The following SDK1 variants were observed in gnomAD, a reference collection of about 807,000 sequenced individuals.
The protein encoded by SDK1 is sidekick cell adhesion molecule 1.
A neutral mutation model predicts 245.5 loss-of-function variants in SDK1; 157 were observed. That is an observed-to-expected ratio of 0.64 (90% CI 0.56 to 0.73). The LOEUF (loss-of-function observed/expected upper bound fraction) is 0.73, where lower values mean the gene tolerates loss of function less well. Ranked by LOEUF, SDK1 falls within the 30% of genes least tolerant of loss-of-function variation. The probability of loss-of-function intolerance (pLI) is 0.00; values close to 1 mark genes in which losing one functional copy is unlikely to be tolerated. For missense variants in SDK1, 3,583 were observed against 3,002.3 expected, an observed-to-expected ratio of 1.19 and a Z score of -4.52; for synonymous variants, 1,647 against 1,278.5, an observed-to-expected ratio of 1.29 and a Z score of -6.15.
At chr7:4,133,884 A>G (rs977354002) in intron 28 of SDK1, among the ~76,000 whole-genome samples, 3 of 152,184 alleles carry the variant, frequency 2.0e-5, no homozygotes, top group African/African-American at 4.8e-5. Flanking sequence ...ATAAACCCAG[A>G]CTTACAAACA....
intron 28 of SDK1, among the ~76,000 whole-genome samples, chr7:4,133,715 G>A (rs968620071): frequency 6.6e-6 from 1 of 152,202 alleles, no homozygotes; most frequent in Non-Finnish European, 1.5e-5. Context: ...GTGTCCTGGA[G>A]AATGTGGCCC....
chr7:4,078,712 AC>A (rs746401231), intron 21 of SDK1, among the ~76,000 whole-genome samples: 6 of 152,132 alleles, frequency 3.9e-5, no homozygotes, highest in Non-Finnish European at 7.4e-5. Flanking sequence ...TCATAATGCT[AC>A]AATTCCGGGT....
intron 18 of SDK1, among the ~76,000 whole-genome samples, chr7:4,050,234 G>C (rs1789349037): frequency 1.3e-5 from 2 of 152,192 alleles, no homozygotes; most frequent in Non-Finnish European, 2.9e-5. Flanking sequence ...AGTTTCCTCA[G>C]ACACAAGGTT....
At position 3,611,481 on chromosome 7, in the gene SDK1, T is replaced by C. The variant is rs75411351; in HGVS notation, c.299-7599T>C. Among the ~76,000 whole-genome samples, 261 of 152,298 alleles carry C rather than the reference T, an allele frequency of 1.7e-3. 1 individual carries two copies. The highest frequency in any genetic ancestry group is 6.0e-3 in the African/African-American group (248 of 41,570). On this transcript the variant is annotated intron_variant, in intron 1 of 44. Transcript: ENST00000404826. The stretch of plus-strand genomic sequence containing the variant: ...CCTGTCCTCACTGCCTTTTCTCAGC[T>C]TAGCAGATAGAGGACTTTGTCCTAA...
chr7:4,218,426 T>G (rs574418498), intron 38 of SDK1, among the ~76,000 whole-genome samples: 197 of 152,108 alleles, frequency 1.3e-3, no homozygotes, highest in African/African-American at 4.6e-3. Context: ...CTGAAATAAT[T>G]CGGAAGAAAA....
At chr7:4,040,801 A>G (rs1788573152) in intron 17 of SDK1, among the ~76,000 whole-genome samples, 1 of 152,130 alleles carries the variant, frequency 6.6e-6, no homozygotes, top group Admixed American at 6.5e-5. Context: ...TGTTGCCTGC[A>G]TTTTTACTGT....
intron 16 of SDK1, among the ~76,000 whole-genome samples, chr7:4,016,100 C>G (rs1356473395): frequency 6.6e-6 from 1 of 152,264 alleles, no homozygotes. Flanking sequence ...GTCTCAGCTC[C>G]TTCCCCTTCG....
chr7:3,818,643 C>A (rs1275285019), intron 4 of SDK1, among the ~76,000 whole-genome samples: 1 of 152,136 alleles, frequency 6.6e-6, no homozygotes, highest in South Asian at 2.1e-4. Context: ...GTGACAGCAG[C>A]CCTAACTTAT....
intron 1 of SDK1, among the ~76,000 whole-genome samples, chr7:3,461,168 G>T (rs1047801347): frequency 2.0e-5 from 3 of 152,114 alleles, no homozygotes; most frequent in African/African-American, 7.2e-5. Context: ...TTAGAAGTGT[G>T]CAGACCCTAG....
At chr7:3,363,225 T>C (rs1781000265) in intron 1 of SDK1, among the ~76,000 whole-genome samples, 2 of 152,224 alleles carry the variant, frequency 1.3e-5, no homozygotes, top group Admixed American at 1.3e-4. Context: ...AATAGAATTA[T>C]ACTTTGGATA....
intron 4 of SDK1, among the ~76,000 whole-genome samples, chr7:3,817,153 C>A (rs1423406030): frequency 2.0e-5 from 3 of 152,104 alleles, no homozygotes; most frequent in African/African-American, 7.2e-5. Flanking sequence ...TTTATATTTT[C>A]ATGGAAGCCA....
chr7:3,787,778 A>G (rs1229390939), intron 4 of SDK1, among the ~76,000 whole-genome samples: 5 of 151,968 alleles, frequency 3.3e-5, no homozygotes, highest in African/African-American at 9.7e-5. Flanking sequence ...TAGCAAGTCA[A>G]CTCTCTCTGC....
Position 3,432,097 on chromosome 7 carries a change from C to T in SDK1, c.298+130213C>T. 1.4e-5 allele frequency among the ~76,000 whole-genome samples: 2 copies of T among 144,146 alleles called. 1 individual carries two copies. Among genetic ancestry groups the T allele is most frequent in the Non-Finnish European group, 3.0e-5 (2 of 66,456 alleles). The allele number at this position is 144,146 out of a possible 152,430, so 94.6% of individuals were successfully genotyped here. ...TGTGTGAAATACTTTGTAAACAGAG[C>T]TTTGCAGGCTGCAGTAAAAAAAAAA... is the stretch of plus-strand genomic sequence containing the variant. On this transcript the variant is annotated intron_variant, in intron 1 of 44. Coordinates refer to ENST00000404826, the MANE Select transcript of SDK1 (RefSeq NM_152744.4).
chr7:4,113,028 G>A (rs903921305), intron 23 of SDK1, among the ~76,000 whole-genome samples: 9 of 152,056 alleles, frequency 5.9e-5, no homozygotes, highest in Admixed American at 5.9e-4. Context: ...CTCCCTAAGT[G>A]CTGGGATTTG....
rs531472757 is a variant in SDK1 at position 3,638,583 on chromosome 7, G to A, written c.459-421G>A. ...CTCACTCATAGGTGGGAATTGAACA[G>A]TGAGAAAACATGGACACAGGAAGGG... On this transcript the variant is annotated intron_variant, in intron 2 of 44. Coordinates refer to ENST00000404826, the MANE Select transcript of SDK1 (RefSeq NM_152744.4). Among the ~76,000 whole-genome samples, 552 of 142,766 alleles carry A rather than the reference G, an allele frequency of 3.9e-3. 6 individuals are homozygous for A. Among genetic ancestry groups the A allele is most frequent in the African/African-American group, 0.013 (503 of 38,600 alleles). 93.7% of individuals were successfully genotyped at this position (142,766 alleles called of 152,430 possible).
chr7:4,114,424 A>G (rs2128191899), intron 25 of SDK1, 150 bp downstream of exon 25: 4 of 648,400 alleles, frequency 6.2e-6, no homozygotes, highest in Non-Finnish European at 7.8e-6. Flanking sequence ...GTTTGGCCAG[A>G]CTCGGCAGGA....
At position 3,641,995 on chromosome 7, in the gene SDK1, A is replaced by G; in HGVS notation, c.603A>G (p.Thr201=). The stretch of plus-strand genomic sequence containing the variant: ...TCATGGATACGGACCAGAGGAAAAC[A>G]GTTTCTCAAGGACGTGCAGCGATTC... ...GSFMDTDQRK[T]VSQGRAAILN... Residue 201 remains threonine, a synonymous_variant, in exon 4 of 45, where the codon ACA becomes ACG. Coordinates refer to ENST00000404826, the MANE Select transcript of SDK1 (RefSeq NM_152744.4). 1 of 1,614,088 alleles carries G rather than the reference A, an allele frequency of 6.2e-7. No individual in the cohort carries two copies. Among genetic ancestry groups the G allele is most frequent in the Non-Finnish European group, 8.5e-7 (1 of 1,179,948 alleles).
intron 12 of SDK1, among the ~76,000 whole-genome samples, chr7:3,972,856 G>T (rs1782596933): frequency 6.6e-6 from 1 of 152,196 alleles, no homozygotes; most frequent in African/African-American, 2.4e-5. Flanking sequence ...TAGGTACGTG[G>T]GTGCCGAATG....
At chr7:3,853,681 C>T (rs1178641476) in intron 5 of SDK1, among the ~76,000 whole-genome samples, 2 of 152,034 alleles carry the variant, frequency 1.3e-5, no homozygotes, top group African/African-American at 2.4e-5. Flanking sequence ...TTGAGCATCA[C>T]GTTGGTGCTC....
Sources: gnomAD v4.1 joint callset for allele counts (sites outside exome capture counted in the v4.1 genomes callset) on GRCh38, gnomAD v4.1.1 for gene constraint, MANE v1.5 for transcripts, NCBI Gene and HGNC (gene_info 2026-07-23, HGNC 2026-07-21) for gene names.